The following H6PD variants were observed in gnomAD, a reference collection of about 807,000 sequenced individuals.
H6PD encodes hexose-6-phosphate dehydrogenase/glucose 1-dehydrogenase.
H6PD carries 48 observed loss-of-function variants against 61.2 expected under a neutral mutation model. The ratio of observed to expected loss-of-function variants is 0.78; its 90% confidence interval spans 0.62 to 1.00. H6PD has a LOEUF of 1.00. Ranked by LOEUF, H6PD falls within the 50% of genes least tolerant of loss-of-function variation. H6PD has a pLI of 0.00. For synonymous variants in H6PD, 480 were observed against 457.9 expected, an observed-to-expected ratio of 1.05 and a Z score of -0.62; for missense variants, 1,093 against 1,065.0, an observed-to-expected ratio of 1.03 and a Z score of -0.37.
chr1:9,261,949 G>A (rs1171848694), intron 3 of H6PD, 110 bp from the exon 4 acceptor site: 3 of 1,089,906 alleles, frequency 2.8e-6, no homozygotes, highest in East Asian at 2.4e-5. Flanking sequence ...TGGACTGGGG[G>A]AAGAGGATGC....
intron 1 of H6PD, among the ~76,000 whole-genome samples, chr1:9,235,849 C>T (rs1182931153): frequency 1.3e-5 from 2 of 152,204 alleles, no homozygotes; most frequent in Admixed American, 6.5e-5. Flanking sequence ...TGGGCTCAAG[C>T]GATCCTCCTG....
chr1:9,235,411 C>T (rs1258935305), intron 1 of H6PD, among the ~76,000 whole-genome samples: 3 of 151,964 alleles, frequency 2.0e-5, no homozygotes, highest in Non-Finnish European at 4.4e-5. Flanking sequence ...AGGGGCAAAC[C>T]TCTCTGGATC....
chr1:9,270,751 G>A lies in H6PD; in HGVS notation c.*5882G>A, dbSNP rs575014998. 2 of 152,462 alleles carry A rather than the reference G, an allele frequency of 1.3e-5. No individual in the cohort carries two copies. Among genetic ancestry groups the A allele is most frequent in the South Asian group, 4.1e-4 (2 of 4,830 alleles). The allele number at this position is 152,462 out of a possible 1,614,324, so 9.4% of individuals were successfully genotyped here. ...CTCTGCCCCGCGCTAGGGACTCAGG[G>A]TCTGGGCTTCTGCCAGGTGAGGAGC... On this transcript the variant is annotated 3_prime_UTR_variant, in exon 5 of 5. Coordinates refer to ENST00000377403, the MANE Select transcript of H6PD (RefSeq NM_004285.4).
chr1:9,246,386 G>A (rs904707293), intron 2 of H6PD, among the ~76,000 whole-genome samples: 6 of 152,204 alleles, frequency 3.9e-5, no homozygotes, highest in Admixed American at 1.3e-4. Flanking sequence ...ACACATGTCC[G>A]TTGACCAGTT....
chr1:9,253,275 A>G (rs771172034), intron 3 of H6PD, among the ~76,000 whole-genome samples: 1 of 152,232 alleles, frequency 6.6e-6, no homozygotes, highest in Non-Finnish European at 1.5e-5. Context: ...TTTACCCAGC[A>G]GGTAGTAAAC....
intron 1 of H6PD, among the ~76,000 whole-genome samples, chr1:9,237,536 T>C (rs917553154): frequency 1.3e-5 from 2 of 152,118 alleles, no homozygotes; most frequent in African/African-American, 4.8e-5. Context: ...CCTGGCCATG[T>C]TATTTGACTT....
In H6PD at chr1:9,245,430, G is replaced by C; in HGVS notation, c.496G>C (p.Ala166Pro). 6.2e-7 allele frequency: 1 copy of C among 1,614,116 alleles called. No homozygotes were observed. Among genetic ancestry groups the C allele is most frequent in the Non-Finnish European group, 8.5e-7 (1 of 1,180,032 alleles). ...INSSCRPGPG[A>P]WLRVVLEKPF... The stretch of plus-strand genomic sequence containing the variant: ...CAGTAGCTGCCGGCCAGGCCCGGGC[G>C]CCTGGCTGCGGGTTGTCCTTGAGAA... Residue 166 changes from alanine to proline, a missense_variant, in exon 2 of 5, where the codon GCC becomes CCC. Transcript: ENST00000377403. This position sits in a 1 kb window ranked among gnomAD's most constrained non-coding sequence, Gnocchi z 4.8.
intron 3 of H6PD, among the ~76,000 whole-genome samples, chr1:9,252,475 C>A (rs1641398047): frequency 6.6e-6 from 1 of 152,050 alleles, no homozygotes; most frequent in Non-Finnish European, 1.5e-5. Flanking sequence ...CTCAAGTGAT[C>A]CTCTCTTGCT....
rs372714313 is a variant in H6PD, at chr1:9,263,696, C to T, written c.1203C>T (p.His401=). The change falls in exon 5 of 5, where the codon CAC becomes CAT. Residue 401 remains histidine (H), a synonymous_variant. Transcript: ENST00000377403. Reference sequence around the variant, plus strand: ...GCCTGCCCCGGCAGCTCGTCTTCCACATCGGCCATGGCGACCTGGGCAGCC... The same window carrying T: ...GCCTGCCCCGGCAGCTCGTCTTCCATATCGGCCATGGCGACCTGGGCAGCC... ...SQCLPRQLVF[H]IGHGDLGSPA... 7 of 1,614,052 alleles carry T rather than the reference C, an allele frequency of 4.3e-6. No homozygotes were observed. Among genetic ancestry groups the T allele is most frequent in the East Asian group, 4.5e-5 (2 of 44,880 alleles).
chr1:9,247,169 G>T, intron 3 of H6PD, 86 bp downstream of exon 3: 1 of 915,016 alleles, frequency 1.1e-6, no homozygotes, highest in Non-Finnish European at 1.8e-6. Flanking sequence ...CTCAGAGGGA[G>T]GTTTTCTGTG....
In H6PD at chr1:9,262,317, C is replaced by T. The variant is rs140631516; in HGVS notation, c.1004C>T (p.Pro335Leu). Reference sequence around the variant, plus strand: ...CCAGACAGCTTCCACAGCCTGACGCCGACCTTCGCAGGTGGGCCCTGGGGC... The same window carrying T: ...CCAGACAGCTTCCACAGCCTGACGCTGACCTTCGCAGGTGGGCCCTGGGGC... ...QKPDSFHSLTPTFAAVLVHID... is the reference protein window; with the variant it reads ...QKPDSFHSLTLTFAAVLVHID... Residue 335 changes from proline (P) to leucine (L), a missense_variant, in exon 4 of 5, where the codon CCG becomes CTG. Pro to Leu is a moderately conservative substitution (Grantham distance 98). Transcript: ENST00000377403. 3,880 of 1,603,262 alleles carry T rather than the reference C, an allele frequency of 2.4e-3. 14 individuals are homozygous for T. The highest frequency in any genetic ancestry group is 0.013 in the Middle Eastern group (72 of 5,636).
At chr1:9,243,867 C>CGGG (rs1553183685) in intron 1 of H6PD, among the ~76,000 whole-genome samples, 10 of 109,892 alleles carry the variant, frequency 9.1e-5, no homozygotes, top group East Asian at 2.6e-4. Context: ...GAGGAAGAGG[C>CGGG]GGGGGCGGTG....
intron 3 of H6PD, among the ~76,000 whole-genome samples, chr1:9,252,547 G>A (rs571581809): frequency 4.5e-4 from 69 of 152,090 alleles, no homozygotes; most frequent in Non-Finnish European, 7.5e-4. Flanking sequence ...TATCTTAGAT[G>A]GTACTTTGTG....
chr1:9,245,352 T>A lies in H6PD; in HGVS notation c.418T>A (p.Phe140Ile). Residue 140 changes from phenylalanine to isoleucine, a missense_variant, in exon 2 of 5, where the codon TTC (phenylalanine) becomes ATC (isoleucine). Transcript: ENST00000377403. This position sits in a 1 kb window ranked among gnomAD's most constrained non-coding sequence, Gnocchi z 4.8. ...HAGLREAGRI[F>I]YFSVPPFAYE... is the part of the protein sequence containing the mutation. The stretch of plus-strand genomic sequence containing the variant: ...AGGCCTCCGGGAGGCTGGCAGGATC[T>A]TCTACTTCTCAGTGCCACCCTTCGC... The A allele has an allele frequency of 6.2e-7, 1 of 1,614,126 alleles. No individual in the cohort carries two copies. Among genetic ancestry groups the A allele is most frequent in the Non-Finnish European group, 8.5e-7 (1 of 1,179,980 alleles).
intron 3 of H6PD, among the ~76,000 whole-genome samples, chr1:9,257,502 C>T (rs1457317000): frequency 6.6e-6 from 1 of 152,180 alleles, no homozygotes; most frequent in Non-Finnish European, 1.5e-5. Flanking sequence ...CACCACATTA[C>T]GTCTTGGAGG....
chr1:9,264,057 T>C lies in H6PD; in HGVS notation c.1564T>C (p.Phe522Leu), dbSNP rs760876135. ...TGAGTTCAGTAGCGGCCGGTTGTTC[T>C]TTTCCCAGCAGCAGCCGGAGCAGCT... is the stretch of plus-strand genomic sequence containing the variant. ...DFEFSSGRLF[F>L]SQQQPEQLVP... The change falls in exon 5 of 5, where the codon TTT becomes CTT. Residue 522 changes from phenylalanine (F) to leucine (L), a missense_variant. Transcript: ENST00000377403. 5 of 1,614,114 alleles carry C rather than the reference T, an allele frequency of 3.1e-6. No individual in the cohort carries two copies. The highest frequency in any genetic ancestry group is 4.5e-5 in the East Asian group (2 of 44,878).
At chr1:9,259,554 T>C (rs1641647786) in intron 3 of H6PD, among the ~76,000 whole-genome samples, 1 of 152,110 alleles carries the variant, frequency 6.6e-6, no homozygotes, top group African/African-American at 2.4e-5. Context: ...ACTAGTATTA[T>C]GTTGCTGTTA....
rs1001382455 is a variant in H6PD at position 9,263,579 on chromosome 1, G to A, written c.1086G>A (p.Leu362=). The A allele has an allele frequency of 1.9e-6, 3 of 1,614,210 alleles. No individual in the cohort carries two copies. The highest frequency in any genetic ancestry group is 3.3e-5 in the Admixed American group (2 of 60,032). ...VPFILMSGKA[L]DERVGYARIL... ...TCATCCTGATGTCTGGCAAAGCCTTGGACGAGAGAGTGGGCTACGCTCGGA... is the reference window on the plus strand; with the variant it reads ...TCATCCTGATGTCTGGCAAAGCCTTAGACGAGAGAGTGGGCTACGCTCGGA... The change falls in exon 5 of 5, where the codon TTG becomes TTA. Residue 362 remains leucine (L), a synonymous_variant. Transcript: ENST00000377403.
chr1:9,235,250 C>G (rs545345106), intron 1 of H6PD, among the ~76,000 whole-genome samples, 184 bp downstream of exon 1: 1 of 152,202 alleles, frequency 6.6e-6, no homozygotes, highest in South Asian at 2.1e-4. Context: ...CCCGAGCGGC[C>G]GAGCTGTCCT....
Sources: gnomAD v4.1 joint callset for allele counts (sites outside exome capture counted in the v4.1 genomes callset) on GRCh38, gnomAD v4.1.1 for gene constraint, Gnocchi (gnomAD v3.1) non-coding constraint, MANE v1.5 for transcripts, NCBI Gene and HGNC (gene_info 2026-07-23, HGNC 2026-07-21) for gene names.